The following SUCLA2 variants were observed in gnomAD, a reference collection of about 807,000 sequenced individuals.
The protein encoded by SUCLA2 is succinate--CoA ligase [ADP-forming] subunit beta, mitochondrial.
SUCLA2 carries 30 observed loss-of-function variants against 54.8 expected under a neutral mutation model. The observed-to-expected ratio is 0.55, with a 90% confidence interval of 0.41 to 0.74. The LOEUF (loss-of-function observed/expected upper bound fraction) is 0.74. SUCLA2 is among the 30% of genes least tolerant of loss of function. The pLI is 0.00. For synonymous variants in SUCLA2, 172 were observed against 188.9 expected (o/e 0.91, Z 0.74); for missense variants, 476 against 562.9 (o/e 0.85, Z 1.56).
intron 6 of SUCLA2, chr13:47,956,774 A>T (rs929485048): frequency 3.3e-5 from 5 of 152,216 alleles, no homozygotes; most frequent in Non-Finnish European, 7.3e-5. Flanking sequence ...CTGGATAAAC[A>T]TCCTGTTAAA....
intron 4 of SUCLA2, among the ~76,000 whole-genome samples, chr13:47,979,228 T>C (rs948974625): frequency 6.6e-6 from 1 of 152,124 alleles, no homozygotes; most frequent in African/African-American, 2.4e-5. Flanking sequence ...AGCAAAGACT[T>C]GGAATCAACC....
chr13:47,944,812 T>A (rs1949716248), intron 10 of SUCLA2, among the ~76,000 whole-genome samples: 1 of 152,182 alleles, frequency 6.6e-6, no homozygotes, highest in Non-Finnish European at 1.5e-5. Context: ...TGAAATGACA[T>A]CACATTAACT....
At chr13:47,968,094 T>C (rs1949934078) in intron 6 of SUCLA2, among the ~76,000 whole-genome samples, 1 of 152,172 alleles carries the variant, frequency 6.6e-6, no homozygotes, top group Non-Finnish European at 1.5e-5. Flanking sequence ...TATATCCAGA[T>C]AGCTAATTCC....
At chr13:47,984,505 C>T (rs986110879) in intron 4 of SUCLA2, among the ~76,000 whole-genome samples, 2 of 152,060 alleles carry the variant, frequency 1.3e-5, no homozygotes, top group African/African-American at 4.8e-5. Context: ...CCCAGCCCTA[C>T]TTTTCACTTT....
rs114258315 is a variant in SUCLA2, at chr13:47,994,180, T to G, written c.271+2663A>C. Among the ~76,000 whole-genome samples the G allele has an allele frequency of 9.1e-3, 1,382 of 152,084 alleles. 17 individuals carry two copies. Among genetic ancestry groups the G allele is most frequent in the African/African-American group, 0.029 (1,208 of 41,482 alleles). On this transcript the variant is annotated intron_variant, in intron 2 of 10. Coordinates refer to ENST00000646932, the MANE Select transcript of SUCLA2 (RefSeq NM_003850.3). ...TCAGCATTGGGAATTGCTAGCTACATGAACAAAACCAAGTGTATTTCTAAG... is the reference window on the plus strand; with the variant it reads ...TCAGCATTGGGAATTGCTAGCTACAGGAACAAAACCAAGTGTATTTCTAAG...
chr13:47,949,495 C>T lies in SUCLA2; in HGVS notation c.1216G>A (p.Val406Ile), dbSNP rs1175727802. ...KDLEIKIPVV[V>I]RLQGTRVDDA... ...CTTTTATACTCACCTTGTAACCGTA[C>T]CACAACAGGTATTTTAATTTCCAAG... Residue 406 changes from valine to isoleucine, a missense_variant, in exon 9 of 11, where the codon GTA becomes ATA. This residue lies in a region of SUCLA2 where 342 missense variants were observed against 444.2 expected (regional missense o/e 0.77). Transcript: ENST00000646932. The T allele has an allele frequency of 2.5e-6, 4 of 1,613,414 alleles. No homozygotes were observed. Among genetic ancestry groups the T allele is most frequent in the Non-Finnish European group, 3.4e-6 (4 of 1,179,576 alleles).
chr13:48,000,834 T>G (rs1398723356), intron 1 of SUCLA2: 10 of 1,128,420 alleles, frequency 8.9e-6, no homozygotes, highest in Non-Finnish European at 1.1e-5. Context: ...GGCGCAAGTC[T>G]CAGCCCACCG....
At chr13:47,948,560 CAAGAATCTTGCT>C (rs1168508928) in intron 10 of SUCLA2, among the ~76,000 whole-genome samples, 2 of 152,062 alleles carry the variant, frequency 1.3e-5, no homozygotes, top group Admixed American at 1.3e-4. Flanking sequence ...CCAATTTTAC[CAAGAATCTTGCT>C]TAAGTCAGTT....
intron 7 of SUCLA2, 51 bp from the exon 8 acceptor site, chr13:47,954,333 T>A: frequency 1.2e-6 from 2 of 1,613,806 alleles, no homozygotes; most frequent in East Asian, 4.5e-5. Context: ...AGAAAATAAA[T>A]TAAACTTAGT....
rs1949698655 is a variant in SUCLA2, at chr13:47,943,115, T to C, written c.*256A>G. 2.2e-6 allele frequency: 1 copy of C among 450,018 alleles called. No homozygotes were observed. The highest frequency in any genetic ancestry group is 2.5e-5 in the South Asian group (1 of 39,228). 27.9% of individuals were successfully genotyped at this position (450,018 alleles called of 1,614,324 possible). On this transcript the variant is annotated 3_prime_UTR_variant, in exon 11 of 11. Coordinates refer to ENST00000646932, the MANE Select transcript of SUCLA2 (RefSeq NM_003850.3). ...CAATAATAAACTGGCAAATTGCAAG[T>C]TACGTTTTGTAGGAGAAGCAAAAAA...
At chr13:47,994,346 G>T (rs1475353049) in intron 2 of SUCLA2, among the ~76,000 whole-genome samples, 1 of 151,914 alleles carries the variant, frequency 6.6e-6, no homozygotes, top group Non-Finnish European at 1.5e-5. Flanking sequence ...TAGGCGGGTG[G>T]ATCACAAGGT....
At chr13:47,977,119 G>A (rs1372154905) in intron 4 of SUCLA2, among the ~76,000 whole-genome samples, 1 of 151,988 alleles carries the variant, frequency 6.6e-6, no homozygotes, top group South Asian at 2.1e-4. Context: ...GAAGTGAAAG[G>A]AGACATTACA....
chr13:47,973,265 T>C lies in SUCLA2; in HGVS notation c.662A>G (p.Gln221Arg). Reference protein sequence around the residue: ...EEGIKKEQALQLAQKMGFPPN... With the variant: ...EEGIKKEQALRLAQKMGFPPN... ...AAATTTTTCAGGAATACAACATACC[T>C]GGAGAGCTTGTTCCTTTTTGATGCC... The change falls in exon 5 of 11, where the codon CAG becomes CGG. Residue 221 changes from glutamine (Q) to arginine (R), a missense_variant and splice_region_variant. By Grantham distance (43) the Gln-to-Arg change is conservative. This residue lies in a region of SUCLA2 where 342 missense variants were observed against 444.2 expected (regional missense o/e 0.77). Transcript: ENST00000646932. 1 of 1,612,332 alleles carries C rather than the reference T, an allele frequency of 6.2e-7. No individual in the cohort carries two copies. The highest frequency in any genetic ancestry group is 8.5e-7 in the Non-Finnish European group (1 of 1,179,460).
intron 5 of SUCLA2, among the ~76,000 whole-genome samples, chr13:47,969,526 G>T (rs190572416): frequency 6.6e-6 from 1 of 152,190 alleles, no homozygotes; most frequent in Non-Finnish European, 1.5e-5. Context: ...CAACTCAGAA[G>T]TTCTGGTTGA....
intron 8 of SUCLA2, among the ~76,000 whole-genome samples, chr13:47,952,677 G>A (rs1054453362): frequency 3.3e-5 from 5 of 152,020 alleles, no homozygotes; most frequent in Admixed American, 6.6e-5. Flanking sequence ...CTTTGTCAGG[G>A]ATCTCTTCCA....
At chr13:47,998,323 A>C (rs376001629) in intron 1 of SUCLA2, among the ~76,000 whole-genome samples, 1,849 of 151,212 alleles carry the variant, frequency 0.012, 47 homozygotes, top group African/African-American at 0.043. Context: ...AGAAAAAAAA[A>C]CCCAGCAACC....
intron 10 of SUCLA2, chr13:47,945,625 C>CT (rs373104253): frequency 4.9e-5 from 7 of 142,530 alleles, no homozygotes; most frequent in African/African-American, 1.9e-4. Context: ...TACCATTAAT[C>CT]TAAAGTGGGA....
At chr13:47,995,961 G>A (rs1950187251) in intron 2 of SUCLA2, among the ~76,000 whole-genome samples, 1 of 152,114 alleles carries the variant, frequency 6.6e-6, no homozygotes, top group African/African-American at 2.4e-5. Context: ...TATTCATTTA[G>A]TATTTATTGA....
At chr13:47,994,922 G>T in intron 2 of SUCLA2, 1 of 918,978 alleles carries the variant, frequency 1.1e-6, no homozygotes, top group Non-Finnish European at 1.3e-6. Flanking sequence ...TTTTTATAAG[G>T]CATAATCAAA....
Sources: allele counts gnomAD v4.1 joint callset (sites outside exome capture counted in the v4.1 genomes callset), GRCh38; gene constraint gnomAD v4.1.1; regional missense constraint gnomAD v4.1.1; transcripts MANE v1.5; gene names NCBI Gene and HGNC (gene_info 2026-07-23, HGNC 2026-07-21).